The following TBC1D32 variants were observed in gnomAD, a reference collection of about 807,000 sequenced individuals.
TBC1D32 encodes TBC1 domain family member 32.
Under a neutral mutation model 170.3 loss-of-function variants are expected in TBC1D32, and 151 were observed. The observed-to-expected ratio is 0.89, with a 90% confidence interval of 0.78 to 1.01. The LOEUF is 1.01. Ranked by LOEUF, TBC1D32 falls within the 50% of genes least tolerant of loss-of-function variation. The probability of loss-of-function intolerance (pLI) is 0.00; values close to 1 mark genes in which losing one functional copy is unlikely to be tolerated. For synonymous variants in TBC1D32, 498 were observed against 488.0 expected, an observed-to-expected ratio of 1.02 and a Z score of -0.27; for missense variants, 1,464 against 1,457.1, an observed-to-expected ratio of 1.00 and a Z score of -0.08.
chr6:121,243,978 T>TA (rs1187918815), intron 17 of TBC1D32, among the ~76,000 whole-genome samples: 8 of 152,056 alleles, frequency 5.3e-5, no homozygotes, highest in Non-Finnish European at 1.2e-4. Context: ...CCCTTCCACT[T>TA]ACTTTCCTCT....
At chr6:121,243,497 T>C (rs79745697) in intron 17 of TBC1D32, among the ~76,000 whole-genome samples, 1 of 143,556 alleles carries the variant, frequency 7.0e-6, no homozygotes. Context: ...GCATCATGAC[T>C]TTGGATCATG....
chr6:121,326,816 G>A (rs1347458531), intron 1 of TBC1D32, among the ~76,000 whole-genome samples: 1 of 151,470 alleles, frequency 6.6e-6, no homozygotes. Context: ...TACAATGAAA[G>A]GACTGCCAGG....
At chr6:121,210,779 G>A (rs1039224614) in intron 21 of TBC1D32, among the ~76,000 whole-genome samples, 1 of 152,146 alleles carries the variant, frequency 6.6e-6, no homozygotes, top group African/African-American at 2.4e-5. Flanking sequence ...GAGAAATATG[G>A]TATAAGGGAA....
At chr6:121,230,816 G>A (rs1448639358) in intron 20 of TBC1D32, among the ~76,000 whole-genome samples, 1 of 151,594 alleles carries the variant, frequency 6.6e-6, no homozygotes, top group East Asian at 1.9e-4. Flanking sequence ...TAGGTTTTTG[G>A]GGAACCGATA....
chr6:121,088,732 G>C (rs191503834), intron 31 of TBC1D32, among the ~76,000 whole-genome samples: 22 of 152,182 alleles, frequency 1.4e-4, no homozygotes, highest in Non-Finnish European at 2.6e-4. Context: ...AAAACAACAA[G>C]GGTAAAAAGT....
At chr6:121,183,922 G>A (rs1305140442) in intron 22 of TBC1D32, among the ~76,000 whole-genome samples, 1 of 151,970 alleles carries the variant, frequency 6.6e-6, no homozygotes, top group African/African-American at 2.4e-5. Context: ...ATGTGCTTCA[G>A]GGAACAAACT....
intron 22 of TBC1D32, among the ~76,000 whole-genome samples, chr6:121,194,661 T>G (rs1257071472): frequency 6.6e-6 from 1 of 152,218 alleles, no homozygotes; most frequent in Admixed American, 6.5e-5. Context: ...TTTTTCTCCA[T>G]TCCTGTCCAT....
At chr6:121,195,324 T>C (rs945528439) in intron 22 of TBC1D32, among the ~76,000 whole-genome samples, 9 of 152,128 alleles carry the variant, frequency 5.9e-5, no homozygotes, top group African/African-American at 1.9e-4. Flanking sequence ...CCCCCATAAG[T>C]GAATCACAGC....
chr6:121,130,846 T>C (rs1276248407), intron 25 of TBC1D32, among the ~76,000 whole-genome samples: 1 of 152,130 alleles, frequency 6.6e-6, no homozygotes, highest in African/African-American at 2.4e-5. Flanking sequence ...AGATATTTTA[T>C]AAATATCTGG....
At chr6:121,137,713 G>A (rs967182047) in intron 24 of TBC1D32, among the ~76,000 whole-genome samples, 2 of 151,768 alleles carry the variant, frequency 1.3e-5, no homozygotes, top group Non-Finnish European at 2.9e-5. Flanking sequence ...AAAAATGTAA[G>A]ATTATTATAG....
chr6:121,179,443 A>G lies in TBC1D32; in HGVS notation c.2571-18387T>C, dbSNP rs1788229160. On this transcript the variant is annotated intron_variant, in intron 22 of 31. Coordinates refer to ENST00000398212, the MANE Select transcript of TBC1D32 (RefSeq NM_152730.6). ...TACCATGGAAGAAGAGACCCCATTA[A>G]CAATAGCAAAAAATATAACAGATGA... is the stretch of plus-strand genomic sequence containing the variant. 2.0e-5 allele frequency among the ~76,000 whole-genome samples: 3 copies of G among 151,950 alleles called. No individual in the cohort carries two copies. The South Asian group carries it at 6.2e-4, about 32-fold the overall frequency.
At chr6:121,287,039 T>C (rs1233116818) in intron 12 of TBC1D32, among the ~76,000 whole-genome samples, 1 of 152,188 alleles carries the variant, frequency 6.6e-6, no homozygotes, top group Non-Finnish European at 1.5e-5. Flanking sequence ...TACCAGCCAC[T>C]GCAAAAACAT....
intron 17 of TBC1D32, among the ~76,000 whole-genome samples, chr6:121,243,759 T>A (rs1347479986): frequency 1.4e-5 from 2 of 145,166 alleles, no homozygotes; most frequent in Admixed American, 6.8e-5. Flanking sequence ...TATATAAAAG[T>A]CAACAAAATA....
intron 2 of TBC1D32, among the ~76,000 whole-genome samples, chr6:121,320,866 T>C (rs1376740760): frequency 1.3e-5 from 2 of 152,142 alleles, no homozygotes; most frequent in African/African-American, 4.8e-5. Context: ...ACTGGAAATA[T>C]GAACCACAGC....
intron 11 of TBC1D32, among the ~76,000 whole-genome samples, chr6:121,294,286 T>C (rs191322073): frequency 4.6e-5 from 7 of 152,168 alleles, no homozygotes; most frequent in Admixed American, 6.5e-5. Flanking sequence ...CTGTATATTG[T>C]TGTAATATAA....
chr6:121,308,862 G>A (rs1356922182), intron 4 of TBC1D32, among the ~76,000 whole-genome samples: 1 of 151,976 alleles, frequency 6.6e-6, no homozygotes, highest in African/African-American at 2.4e-5. Context: ...GTAGAGAATA[G>A]TTCCACTCCA....
At chr6:121,231,239 T>G (rs995129346) in intron 20 of TBC1D32, among the ~76,000 whole-genome samples, 2 of 152,036 alleles carry the variant, frequency 1.3e-5, no homozygotes, top group African/African-American at 4.8e-5. Flanking sequence ...TTTGTTTGCT[T>G]TGTCAAAGAT....
intron 1 of TBC1D32, among the ~76,000 whole-genome samples, chr6:121,333,543 G>A (rs537398839): frequency 1.6e-4 from 24 of 152,236 alleles, no homozygotes; most frequent in African/African-American, 5.5e-4. Flanking sequence ...CCTTTGCAGT[G>A]CTCAGAGTGA....
At chr6:121,281,817 T>C (rs1248487735) in intron 13 of TBC1D32, 131 bp from the exon 14 acceptor site, 10 of 605,300 alleles carry the variant, frequency 1.7e-5, no homozygotes, top group Non-Finnish European at 2.1e-5. Context: ...CAACTCAATA[T>C]CCAAAGGAAG....
Sources: gnomAD v4.1 joint callset for allele counts (sites outside exome capture counted in the v4.1 genomes callset) on GRCh38, gnomAD v4.1.1 for gene constraint, MANE v1.5 for transcripts, NCBI Gene and HGNC (gene_info 2026-07-23, HGNC 2026-07-21) for gene names.